The following RBFOX1 variants were observed in gnomAD, a reference collection of about 807,000 sequenced individuals.
RBFOX1 encodes the protein RNA binding fox-1 homolog 1, also known as RNA binding protein fox-1 homolog 1.
In RBFOX1, 8 loss-of-function variants were observed where a neutral mutation model predicts 57.7. That is an observed-to-expected ratio of 0.14 (90% CI 0.08 to 0.25). RBFOX1 has a LOEUF of 0.25. RBFOX1 is among the 10% of genes least tolerant of loss of function. The pLI is 1.00. For missense variants in RBFOX1, 611 were observed against 548.5 expected, an observed-to-expected ratio of 1.11 and a Z score of -1.14; for synonymous variants, 326 against 222.4, an observed-to-expected ratio of 1.47 and a Z score of -4.15.
chr16:6,985,436 C>T (rs148699842), intron 3 of RBFOX1, among the ~76,000 whole-genome samples: 1,906 of 152,280 alleles, frequency 0.013, 26 homozygotes, highest in Non-Finnish European at 0.022. Flanking sequence ...CACTTCAGCC[C>T]ATGTGTTCTC....
intron 3 of RBFOX1, among the ~76,000 whole-genome samples, chr16:6,656,601 C>T (rs1205567254): frequency 8.3e-6 from 1 of 121,114 alleles, no homozygotes; most frequent in Non-Finnish European, 1.8e-5. Flanking sequence ...GGAAAATAGA[C>T]ACACACACAC....
At chr16:6,523,666 T>C (rs189377849) in intron 2 of RBFOX1, among the ~76,000 whole-genome samples, 53 of 152,326 alleles carry the variant, frequency 3.5e-4, no homozygotes, top group African/African-American at 1.2e-3. Flanking sequence ...GTATGTTTGT[T>C]TTAATGTCAT....
At chr16:5,658,799 G>C (rs763283196) in intron 3 of RBFOX1, among the ~76,000 whole-genome samples, 3 of 135,180 alleles carry the variant, frequency 2.2e-5, no homozygotes, top group Non-Finnish European at 4.5e-5. Flanking sequence ...TATAATATAT[G>C]TGTATATATG....
intron 3 of RBFOX1, among the ~76,000 whole-genome samples, chr16:5,741,390 C>T (rs756400943): frequency 3.3e-5 from 5 of 152,238 alleles, no homozygotes; most frequent in Admixed American, 1.3e-4. Flanking sequence ...TTTTTTCCCA[C>T]GTCAACATAA....
At chr16:6,993,059 C>T (rs2091754659) in intron 3 of RBFOX1, among the ~76,000 whole-genome samples, 1 of 152,152 alleles carries the variant, frequency 6.6e-6, no homozygotes, top group South Asian at 2.1e-4. Flanking sequence ...GAGCCTGGTC[C>T]TCACAGTCAT....
intron 1 of RBFOX1, among the ~76,000 whole-genome samples, chr16:6,308,835 C>G (rs534629654): frequency 6.6e-6 from 1 of 152,200 alleles, no homozygotes; most frequent in South Asian, 2.1e-4. Flanking sequence ...TAGAGGAACA[C>G]CAAAAGTATT....
intron 11 of RBFOX1, among the ~76,000 whole-genome samples, chr16:7,651,049 G>A (rs966582310): frequency 6.6e-6 from 1 of 151,700 alleles, no homozygotes; most frequent in African/African-American, 2.4e-5. Context: ...AAAATGGCAT[G>A]ATCTATCTTT....
intron 3 of RBFOX1, among the ~76,000 whole-genome samples, chr16:7,034,909 C>T (rs1338327571): frequency 2.2e-4 from 27 of 122,858 alleles, no homozygotes; most frequent in East Asian, 7.8e-4. Flanking sequence ...AGTGCAGTGG[C>T]GTGATCTCTG....
At chr16:6,873,172 G>C (rs937335550) in intron 3 of RBFOX1, among the ~76,000 whole-genome samples, 1 of 150,806 alleles carries the variant, frequency 6.6e-6, no homozygotes, top group Non-Finnish European at 1.5e-5. Flanking sequence ...TCCTCCTGAA[G>C]CGTGAAGAAG....
chr16:6,164,857 C>T (rs1597961948), intron 1 of RBFOX1, among the ~76,000 whole-genome samples: 1 of 152,212 alleles, frequency 6.6e-6, no homozygotes, highest in Non-Finnish European at 1.5e-5. Context: ...TTTACTTCTG[C>T]ATAATGCTAA....
intron 3 of RBFOX1, among the ~76,000 whole-genome samples, chr16:5,848,824 C>G (rs2056819156): frequency 6.6e-6 from 1 of 151,978 alleles, no homozygotes; most frequent in African/African-American, 2.4e-5. Flanking sequence ...TGGCGGACAC[C>G]TGTAATACTA....
intron 4 of RBFOX1, among the ~76,000 whole-genome samples, chr16:7,312,261 T>C (rs2096331326): frequency 6.6e-6 from 1 of 152,100 alleles, no homozygotes; most frequent in African/African-American, 2.4e-5. Context: ...ACACTTGTAA[T>C]CCCAGCTACT....
intron 4 of RBFOX1, among the ~76,000 whole-genome samples, chr16:7,095,630 T>G (rs1433473024): frequency 6.6e-6 from 1 of 152,124 alleles, no homozygotes; most frequent in Non-Finnish European, 1.5e-5. Context: ...ACATACCAGG[T>G]GGGAGCTTGG....
intron 4 of RBFOX1, among the ~76,000 whole-genome samples, chr16:7,397,224 G>A (rs1048662603): frequency 2.6e-5 from 4 of 152,156 alleles, no homozygotes; most frequent in Admixed American, 6.5e-5. Flanking sequence ...AAGAGATTTC[G>A]AAGTGAAGAC....
chr16:7,397,238 A>T (rs2098156160), intron 4 of RBFOX1, among the ~76,000 whole-genome samples: 2 of 152,208 alleles, frequency 1.3e-5, no homozygotes, highest in African/African-American at 4.8e-5. Context: ...TGAAGACTTT[A>T]GTAAGATAGA....
At chr16:6,755,386 AT>A (rs1465203118) in intron 3 of RBFOX1, among the ~76,000 whole-genome samples, 2 of 152,062 alleles carry the variant, frequency 1.3e-5, no homozygotes, top group African/African-American at 2.4e-5. Context: ...CTTTTTAATG[AT>A]TGCCATTCTA....
Position 7,672,158 on chromosome 16 carries a change from T to A in RBFOX1, c.931-4616T>A, listed in dbSNP as rs532966124. ...GAAATTTATTTCAAGCCTGTTGTTA[T>A]AGCTTTTAAACCTATTTCTCACTGC... On this transcript the variant is annotated intron_variant, in intron 13 of 15. Transcript: ENST00000550418. Among the ~76,000 whole-genome samples, 4 of 152,340 alleles carry A rather than the reference T, an allele frequency of 2.6e-5. 1 individual carries two copies. The South Asian group carries it at 8.3e-4, about 32-fold the overall frequency.
chr16:6,802,238 A>AC (rs1215036926), intron 3 of RBFOX1, among the ~76,000 whole-genome samples: 1 of 151,926 alleles, frequency 6.6e-6, no homozygotes, highest in African/African-American at 2.4e-5. Context: ...ATTTAACTTA[A>AC]CCACTCAGTC....
At chr16:7,421,049 C>G (rs764968222) in intron 4 of RBFOX1, among the ~76,000 whole-genome samples, 3 of 151,798 alleles carry the variant, frequency 2.0e-5, no homozygotes, top group African/African-American at 4.8e-5. Flanking sequence ...TGAACCATAC[C>G]TGACTCTTTT....
Sources: allele counts gnomAD v4.1 joint callset (sites outside exome capture counted in the v4.1 genomes callset), GRCh38; gene constraint gnomAD v4.1.1; transcripts MANE v1.5; gene names NCBI Gene and HGNC (gene_info 2026-07-23, HGNC 2026-07-21).